The following TCF3 variants were observed in gnomAD, a reference collection of about 807,000 sequenced individuals.
The protein encoded by TCF3 is transcription factor E2-alpha.
In TCF3, 54 loss-of-function variants were observed where a neutral mutation model predicts 72.3. That is an observed-to-expected ratio of 0.75 (90% confidence interval 0.60 to 0.94). The LOEUF is 0.94. Among genes scored for constraint, TCF3 ranks in the 40% least tolerant of loss-of-function variants. TCF3 has a pLI of 0.00. For missense variants in TCF3, 1,078 were observed against 934.4 expected (o/e 1.15, Z -2.00); for synonymous variants, 525 against 412.6 (o/e 1.27, Z -3.30).
chr19:1,650,311 A>C, intron 1 of TCF3, 24 bp from the exon 2 acceptor site: 1 of 1,480,038 alleles, frequency 6.8e-7, no homozygotes, highest in South Asian at 1.2e-5. Context: ...GTGGGGACAG[A>C]TGGACAGGGA....
intron 3 of TCF3, among the ~76,000 whole-genome samples, chr19:1,642,649 A>T (rs2065504458): frequency 6.6e-6 from 1 of 152,118 alleles, no homozygotes; most frequent in African/African-American, 2.4e-5. Context: ...TCACCTATTA[A>T]ATGAGACAGG....
chr19:1,619,113 CT>C lies in TCF3; in HGVS notation c.1447del (p.Ser483ValfsTer3). 1 of 1,599,422 alleles carries C rather than the reference CT, an allele frequency of 6.3e-7. No individual in the cohort carries two copies. Among genetic ancestry groups the C allele is most frequent in the Non-Finnish European group, 8.5e-7 (1 of 1,179,704 alleles). The part of the protein sequence containing the change: ...PDLSRPPDSY[S>X]GLGRAGATAA... ...CAGTCCCAAGCTCAAGGGCTTACCA[CT>C]GTAGGAGTCGGGAGGCCGAGACAGG... On this transcript the variant is annotated frameshift_variant, in exon 16 of 19. Coordinates refer to ENST00000262965, the MANE Select transcript of TCF3 (RefSeq NM_003200.5). LOFTEE classifies it high-confidence loss of function.
At chr19:1,651,526 G>C (rs943447815) in intron 1 of TCF3, among the ~76,000 whole-genome samples, 1 of 152,242 alleles carries the variant, frequency 6.6e-6, no homozygotes, top group Non-Finnish European at 1.5e-5. Flanking sequence ...AGTTGGGGGG[G>C]TGGCGAGCTA....
intron 5 of TCF3, among the ~76,000 whole-genome samples, chr19:1,627,648 T>C (rs2063062458): frequency 6.6e-6 from 1 of 152,132 alleles, no homozygotes; most frequent in African/African-American, 2.4e-5. Context: ...TGTGCCCATC[T>C]CCTGCCCAAT....
At chr19:1,649,184 G>A (rs754357750) in intron 2 of TCF3, among the ~76,000 whole-genome samples, 1 of 152,212 alleles carries the variant, frequency 6.6e-6, no homozygotes, top group Non-Finnish European at 1.5e-5. Context: ...AGTCACAATG[G>A]TGGCGCTGCT....
At chr19:1,644,767 G>A (rs1023088457) in intron 3 of TCF3, among the ~76,000 whole-genome samples, 2 of 152,148 alleles carry the variant, frequency 1.3e-5, no homozygotes, top group African/African-American at 4.8e-5. Context: ...GGGCTGAGGG[G>A]GTGAGAGGCG....
chr19:1,619,617 C>T (rs909544488), intron 14 of TCF3, 143 bp from the exon 15 acceptor site: 52 of 1,325,546 alleles, frequency 3.9e-5, no homozygotes, highest in African/African-American at 1.8e-4. Context: ...ATCTGGCGCC[C>T]GGGAGCACAC....
intron 5 of TCF3, chr19:1,631,811 A>G: frequency 8.5e-7 from 1 of 1,178,306 alleles, no homozygotes; most frequent in African/African-American, 1.5e-5. Flanking sequence ...CCCTGCCTCT[A>G]CGCTCAGGCG....
intron 3 of TCF3, among the ~76,000 whole-genome samples, chr19:1,637,109 C>A (rs1348991195): frequency 6.6e-6 from 1 of 151,774 alleles, no homozygotes; most frequent in Non-Finnish European, 1.5e-5. Flanking sequence ...TCCGCCAGAA[C>A]CGGGGACAAC....
chr19:1,626,561 C>G (rs1386273316), intron 6 of TCF3, among the ~76,000 whole-genome samples: 6 of 152,334 alleles, frequency 3.9e-5, no homozygotes, highest in African/African-American at 1.2e-4. Context: ...AGCCCGCACC[C>G]TGTGTGGCCA....
At chr19:1,645,353 CT>C (rs1417199185) in intron 3 of TCF3, among the ~76,000 whole-genome samples, 1 of 152,156 alleles carries the variant, frequency 6.6e-6, no homozygotes, top group African/African-American at 2.4e-5. Context: ...CCGCCCCAAC[CT>C]CCCCCACCAA....
rs373390348 is a variant in TCF3 at position 1,642,222 on chromosome 19, GCA to G, written c.145+4131_145+4132del. 6.8e-3 allele frequency among the ~76,000 whole-genome samples: 1,020 copies of G among 149,064 alleles called. 6 individuals carry two copies. The highest frequency in any genetic ancestry group is 0.02 in the African/African-American group (788 of 40,368). On this transcript the variant is annotated intron_variant, in intron 3 of 18. Coordinates refer to ENST00000262965, the MANE Select transcript of TCF3 (RefSeq NM_003200.5). ...CGCAGACACGCACACACGCGCAGAC[GCA>G]CAGACACGCACGCGCAGACGCACAC... is the stretch of plus-strand genomic sequence containing the variant.
intron 6 of TCF3, among the ~76,000 whole-genome samples, chr19:1,626,717 T>C (rs1005288444): frequency 2.0e-5 from 3 of 152,034 alleles, no homozygotes; most frequent in East Asian, 3.9e-4. Flanking sequence ...CGGGGACTGA[T>C]AGGGAAACGC....
At chr19:1,637,689 C>A (rs750106300) in intron 3 of TCF3, among the ~76,000 whole-genome samples, 9 of 152,196 alleles carry the variant, frequency 5.9e-5, no homozygotes, top group African/African-American at 1.2e-4. Flanking sequence ...GCGGGCGGAT[C>A]ACGAGGTCCA....
In TCF3 at chr19:1,614,334, C is replaced by T. The variant is rs1311711829; in HGVS notation, c.1822+951G>A. On this transcript the variant is annotated intron_variant, in intron 18 of 18. Transcript: ENST00000262965. This position sits in a 1 kb window ranked among gnomAD's most constrained non-coding sequence, Gnocchi z 5.6. ...GCGTGCTCCCGGGTCTGGTTTCTTC[C>T]CGCAAGCCCTGACGGGGGGCTTTGG... is the stretch of plus-strand genomic sequence containing the variant. Among the ~76,000 whole-genome samples the T allele has an allele frequency of 6.6e-6, 1 of 152,238 alleles. No individual in the cohort carries two copies.
rs201649703 is a variant in TCF3, at chr19:1,615,743, G to T, written c.1529C>A (p.Ala510Glu). Residue 510 changes from alanine to glutamate, a missense_variant, in exon 17 of 19, where the codon GCG becomes GAG. By Grantham distance (107) the Ala-to-Glu change is moderately radical. Coordinates refer to ENST00000262965, the MANE Select transcript of TCF3 (RefSeq NM_003200.5). The surrounding 1 kb of genome is among the most constrained non-coding windows in gnomAD (Gnocchi z 7.3). ...EEKEDEENTS[A>E]ADHSEEEKKE... Reference sequence around the variant, plus strand: ...CTTCTCCTCCTCCGAGTGGTCAGCCGCTGACGTGTTCTCCTCGTCCTCCTT... The same window carrying T: ...CTTCTCCTCCTCCGAGTGGTCAGCCTCTGACGTGTTCTCCTCGTCCTCCTT... 1 of 1,611,256 alleles carries T rather than the reference G, an allele frequency of 6.2e-7. No homozygotes were observed. The highest frequency in any genetic ancestry group is 8.5e-7 in the Non-Finnish European group (1 of 1,178,214).
At position 1,614,854 on chromosome 19, in the gene TCF3, T is replaced by C. The variant is rs1485696194; in HGVS notation, c.1822+431A>G. Among the ~76,000 whole-genome samples, 1 of 151,990 alleles carries C rather than the reference T, an allele frequency of 6.6e-6. No homozygotes were observed. The highest frequency in any genetic ancestry group is 1.5e-5 in the Non-Finnish European group (1 of 67,990). On this transcript the variant is annotated intron_variant, in intron 18 of 18. Coordinates refer to ENST00000262965, the MANE Select transcript of TCF3 (RefSeq NM_003200.5). This position sits in a 1 kb window ranked among gnomAD's most constrained non-coding sequence, Gnocchi z 5.6. ...TGGGCTCATGTGGCCTTGCGTGGCA[T>C]CTGCCTGACGGGAAGGGGCCAGGGT...
At position 1,610,349 on chromosome 19, in the gene TCF3, T is replaced by C. The variant is rs1281908840; in HGVS notation, c.*1358A>G. ...CCAGGCCCAGGGATGCTCCCCAGCA[T>C]TGGGGGAGGCTGGCCAGGCCCCTGG... On this transcript the variant is annotated 3_prime_UTR_variant, in exon 19 of 19. Transcript: ENST00000262965. 6 of 229,078 alleles carry C rather than the reference T, an allele frequency of 2.6e-5. No homozygotes were observed. The highest frequency in any genetic ancestry group is 1.8e-4 in the South Asian group (1 of 5,476). 14.2% of individuals were successfully genotyped at this position (229,078 alleles called of 1,614,324 possible).
chr19:1,639,398 T>C (rs2064918042), intron 3 of TCF3, among the ~76,000 whole-genome samples: 1 of 152,122 alleles, frequency 6.6e-6, no homozygotes, highest in South Asian at 2.1e-4. Flanking sequence ...GAAATCCCAC[T>C]GTCTCAGCCC....
Sources: allele counts gnomAD v4.1 joint callset (sites outside exome capture counted in the v4.1 genomes callset), GRCh38; gene constraint gnomAD v4.1.1; non-coding constraint Gnocchi (gnomAD v3.1); transcripts MANE v1.5; gene names NCBI Gene and HGNC (gene_info 2026-07-23, HGNC 2026-07-21).